Variants in ROBO2 observed in about 807,000 individuals in gnomAD.
ROBO2 encodes the protein roundabout guidance receptor 2, also known as roundabout homolog 2.
ROBO2 carries 53 observed loss-of-function variants against 160.8 expected under a neutral mutation model. That is an observed-to-expected ratio of 0.33 (90% CI 0.26 to 0.41). ROBO2 has a LOEUF of 0.41. ROBO2 is among the 10% of genes least tolerant of loss of function. The pLI, the probability that ROBO2 is intolerant of heterozygous loss-of-function variation, is 1.00. For synonymous variants in ROBO2, 664 were observed against 611.7 expected (o/e 1.09, Z -1.26); for missense variants, 1,577 against 1,722.4 (o/e 0.92, Z 1.49).
chr3:75,968,119 G>A (rs1016231119), intron 2 of ROBO2, among the ~76,000 whole-genome samples: 1 of 151,600 alleles, frequency 6.6e-6, no homozygotes, highest in Non-Finnish European at 1.5e-5. Context: ...TGATCAGAGA[G>A]GCAGTTAATT....
intron 2 of ROBO2, among the ~76,000 whole-genome samples, chr3:76,700,694 A>G (rs2093029641): frequency 6.6e-6 from 1 of 152,138 alleles, no homozygotes; most frequent in Admixed American, 6.6e-5. Context: ...GCCTTTGGAA[A>G]CTGTCATGTA....
chr3:76,370,896 T>C (rs1559837502), intron 2 of ROBO2, among the ~76,000 whole-genome samples: 1 of 151,912 alleles, frequency 6.6e-6, no homozygotes, highest in Admixed American at 6.6e-5. Context: ...CGGACTCATA[T>C]GTCATTTCCT....
At chr3:76,331,976 G>A (rs555469989) in intron 2 of ROBO2, among the ~76,000 whole-genome samples, 85 of 152,138 alleles carry the variant, frequency 5.6e-4, no homozygotes, top group African/African-American at 2.0e-3. Context: ...GAGCCACTGC[G>A]CCCGCCCTAA....
chr3:76,665,403 A>G (rs1200572186), intron 2 of ROBO2, among the ~76,000 whole-genome samples: 1 of 152,122 alleles, frequency 6.6e-6, no homozygotes, highest in Non-Finnish European at 1.5e-5. Flanking sequence ...GAGTTAATAT[A>G]TGAATCATAT....
intron 2 of ROBO2, among the ~76,000 whole-genome samples, chr3:77,307,018 G>A (rs1431168055): frequency 1.3e-5 from 2 of 152,056 alleles, no homozygotes; most frequent in South Asian, 2.1e-4. Context: ...CTTTCCCAAT[G>A]CCAAAATAGA....
At chr3:76,823,998 GTTTGTATGGCAGCTCTGTTCCTAACAGTC>G (rs2066349910) in intron 2 of ROBO2, among the ~76,000 whole-genome samples, 1 of 152,234 alleles carries the variant, frequency 6.6e-6, no homozygotes, top group Admixed American at 6.5e-5. Context: ...AGCAATCCTG[GTTTGTATGGCAGCTCTGTTCCTAACAGTC>G]TTTCAGGGGC....
chr3:76,227,532 A>G (rs1027404581), intron 2 of ROBO2, among the ~76,000 whole-genome samples: 1 of 152,236 alleles, frequency 6.6e-6, no homozygotes, highest in Non-Finnish European at 1.5e-5. Flanking sequence ...GATGCTTAGC[A>G]TCAGGATCAG....
At chr3:76,211,719 T>C (rs1703156314) in intron 2 of ROBO2, among the ~76,000 whole-genome samples, 1 of 152,080 alleles carries the variant, frequency 6.6e-6, no homozygotes, top group Non-Finnish European at 1.5e-5. Flanking sequence ...TGTATACATT[T>C]TTTGTACACT....
intron 2 of ROBO2, among the ~76,000 whole-genome samples, chr3:77,113,769 AT>A (rs1470651823): frequency 6.6e-6 from 1 of 152,192 alleles, no homozygotes; most frequent in African/African-American, 2.4e-5. Context: ...CATTCATTCC[AT>A]TTGGGTTTGA....
At chr3:77,284,553 G>A (rs1362476604) in intron 2 of ROBO2, among the ~76,000 whole-genome samples, 1 of 152,120 alleles carries the variant, frequency 6.6e-6, no homozygotes, top group African/African-American at 2.4e-5. Context: ...TGAGAAGAGG[G>A]TTTCAAACTA....
chr3:76,398,297 G>A (rs1233718563), intron 2 of ROBO2, among the ~76,000 whole-genome samples: 4 of 149,740 alleles, frequency 2.7e-5, no homozygotes, highest in Admixed American at 2.0e-4. Context: ...GACACAGGAA[G>A]GGGAACATCA....
At chr3:77,352,035 C>T (rs139069826) in intron 2 of ROBO2, among the ~76,000 whole-genome samples, 4,376 of 150,796 alleles carry the variant, frequency 0.029, 244 homozygotes, top group African/African-American at 0.1. Context: ...CAACATGGAA[C>T]ATGCATACAT....
At chr3:76,646,604 A>T (rs1372555890) in intron 2 of ROBO2, among the ~76,000 whole-genome samples, 2 of 152,222 alleles carry the variant, frequency 1.3e-5, no homozygotes, top group Admixed American at 1.3e-4. Context: ...AGTATTTAGC[A>T]CAATTCCTAA....
In ROBO2 at chr3:77,252,807, C is replaced by CAAAAAAAA. The variant is rs1182786373; in HGVS notation, c.388+154485_388+154492dup. 3.7e-3 allele frequency among the ~76,000 whole-genome samples: 117 copies of CAAAAAAAA among 32,042 alleles called. 9 individuals carry two copies. Among genetic ancestry groups the CAAAAAAAA allele is most frequent in the African/African-American group, 0.016 (110 of 7,004 alleles). The allele number at this position is 32,042 out of a possible 152,430, so 21.0% of individuals were successfully genotyped here. A position where few individuals can be genotyped will look rare whatever the true frequency, so the allele number is the denominator to read the frequency against. Reference sequence around the variant, plus strand: ...TGGGCAGCAGAGCAAGACTCCATCTCAAAAAAAAAAAAAAAAAAAAAAAAA... The same window carrying CAAAAAAAA: ...TGGGCAGCAGAGCAAGACTCCATCTCAAAAAAAAAAAAAAAAAAAAAAAAAAAAAAAAA... On this transcript the variant is annotated intron_variant, in intron 2 of 25. Coordinates refer to ENST00000461745, the Ensembl canonical transcript of ROBO2.
At chr3:77,341,969 T>C (rs1449402401) in intron 2 of ROBO2, among the ~76,000 whole-genome samples, 1 of 152,152 alleles carries the variant, frequency 6.6e-6, no homozygotes, top group East Asian at 1.9e-4. Context: ...TCTTGGAATA[T>C]TGCAAGAGAG....
At chr3:75,937,186 A>G (rs62269814) in intron 1 of ROBO2, among the ~76,000 whole-genome samples, 2 of 152,232 alleles carry the variant, frequency 1.3e-5, no homozygotes, top group African/African-American at 2.4e-5. Context: ...CTGAACTCCA[A>G]TATGTATATT....
At chr3:76,415,090 A>G (rs1164495532) in intron 2 of ROBO2, among the ~76,000 whole-genome samples, 1 of 152,198 alleles carries the variant, frequency 6.6e-6, no homozygotes, top group Non-Finnish European at 1.5e-5. Flanking sequence ...TTAGGGAACA[A>G]GGCAGCATGT....
intron 2 of ROBO2, among the ~76,000 whole-genome samples, chr3:76,303,444 G>A (rs1576325609): frequency 6.6e-6 from 1 of 152,046 alleles, no homozygotes; most frequent in East Asian, 1.9e-4. Context: ...TAACACTGGA[G>A]TAGCAGTGCA....
chr3:76,707,731 G>GTATATATATATATATA (rs56401900), intron 2 of ROBO2, among the ~76,000 whole-genome samples: 30 of 134,164 alleles, frequency 2.2e-4, no homozygotes, highest in South Asian at 5.0e-4. Flanking sequence ...ACATGTGTGT[G>GTATATATATATATATA]TATATATATA....
Sources: gnomAD v4.1 joint callset for allele counts (sites outside exome capture counted in the v4.1 genomes callset) on GRCh38, gnomAD v4.1.1 for gene constraint, MANE v1.5 for transcripts, NCBI Gene and HGNC (gene_info 2026-07-23, HGNC 2026-07-21) for gene names.